The following CYP39A1 variants were observed in gnomAD, a reference collection of about 807,000 sequenced individuals.
CYP39A1 encodes cytochrome P450 family 39 subfamily A member 1.
CYP39A1 carries 49 observed loss-of-function variants against 58.1 expected under a neutral mutation model. That is an observed-to-expected ratio of 0.84 (90% CI 0.67 to 1.07). The LOEUF is 1.07. CYP39A1 is among the 50% of genes least tolerant of loss of function. The probability of loss-of-function intolerance (pLI) is 0.00; values close to 1 mark genes in which losing one functional copy is unlikely to be tolerated. For synonymous variants in CYP39A1, 209 were observed against 187.6 expected (o/e 1.11, Z -0.93); for missense variants, 531 against 539.4 (o/e 0.98, Z 0.16).
chr6:46,567,972 T>C (rs958441138), intron 10 of CYP39A1, among the ~76,000 whole-genome samples: 3 of 143,662 alleles, frequency 2.1e-5, no homozygotes, highest in South Asian at 4.4e-4. Flanking sequence ...CAGATCTGGA[T>C]TGAGCTTATA....
intron 10 of CYP39A1, chr6:46,583,181 T>C (rs1295305031): frequency 8.4e-5 from 83 of 985,276 alleles, no homozygotes; most frequent in East Asian, 1.1e-4. Flanking sequence ...CTTCCTCTTA[T>C]TACACTCTCT....
At chr6:46,574,347 C>A (rs1482000398) in intron 10 of CYP39A1, among the ~76,000 whole-genome samples, 1 of 152,132 alleles carries the variant, frequency 6.6e-6, no homozygotes, top group Non-Finnish European at 1.5e-5. Context: ...AGAGAGGGGG[C>A]AGGGACATCA....
At chr6:46,574,911 C>T (rs1771772649) in intron 10 of CYP39A1, among the ~76,000 whole-genome samples, 1 of 151,570 alleles carries the variant, frequency 6.6e-6, no homozygotes, top group African/African-American at 2.4e-5. Flanking sequence ...AGAGACTAGA[C>T]TATCAAGGAG....
Position 46,587,101 on chromosome 6 carries a change from C to T in CYP39A1, c.1226G>A (p.Ser409Asn), listed in dbSNP as rs1772514531. ...SFLDCFMAFG[S>N]GKFQCPARWF... is the part of the protein sequence containing the mutation. Reference sequence around the variant, plus strand: ...CCTTGCAGGACACTGGAACTTCCCGCTTCCAAATGCCATGAAGCAGTCCAA... The same window carrying T: ...CCTTGCAGGACACTGGAACTTCCCGTTTCCAAATGCCATGAAGCAGTCCAA... The change falls in exon 10 of 12, where the codon AGC (serine) becomes AAC (asparagine). Residue 409 changes from serine (S) to asparagine (N), a missense_variant. Ser to Asn is a conservative substitution (Grantham distance 46). Transcript: ENST00000275016. The T allele has an allele frequency of 6.2e-7, 1 of 1,611,926 alleles. No homozygotes were observed.
chr6:46,616,229 TCCC>T (rs1187216387), intron 7 of CYP39A1, among the ~76,000 whole-genome samples: 712 of 37,784 alleles, frequency 0.019, 137 homozygotes, highest in African/African-American at 0.069. Flanking sequence ...CCTCCCTCCC[TCCC>T]TCCCTCCCTC....
At chr6:46,585,943 C>G (rs572606530) in intron 10 of CYP39A1, among the ~76,000 whole-genome samples, 67 of 152,188 alleles carry the variant, frequency 4.4e-4, no homozygotes, top group Admixed American at 6.6e-4. Flanking sequence ...GGGGCCTCAT[C>G]CTGAAGAAGT....
chr6:46,564,285 G>T (rs1771160998), intron 10 of CYP39A1, among the ~76,000 whole-genome samples: 1 of 150,844 alleles, frequency 6.6e-6, no homozygotes, highest in African/African-American at 2.4e-5. Flanking sequence ...TCTGCCTCAG[G>T]GGTTCAAGCT....
chr6:46,594,712 A>T (rs1380132091), intron 8 of CYP39A1, among the ~76,000 whole-genome samples: 5 of 152,178 alleles, frequency 3.3e-5, no homozygotes, highest in African/African-American at 1.2e-4. Flanking sequence ...CTACCAGAAG[A>T]AAACATATGG....
In CYP39A1 at chr6:46,625,468, T is replaced by G; in HGVS notation, c.881A>C (p.Asp294Ala). 6.2e-7 allele frequency: 1 copy of G among 1,611,418 alleles called. No homozygotes were observed. The highest frequency in any genetic ancestry group is 2.2e-5 in the East Asian group (1 of 44,714). Residue 294 changes from aspartate (D) to alanine (A), a missense_variant, in exon 7 of 12, where the codon GAT becomes GCT. Asp to Ala is a moderately radical substitution (Grantham distance 126). Transcript: ENST00000275016. Reference sequence around the variant, plus strand: ...GCCTTCCATAATGGCCTTGTGGATATCAGGATGAGAAAGGACGTATGCAAG... The same window carrying G: ...GCCTTCCATAATGGCCTTGTGGATAGCAGGATGAGAAAGGACGTATGCAAG... The part of the protein sequence containing the change: ...WTLAYVLSHP[D>A]IHKAIMEGIS...
intron 10 of CYP39A1, among the ~76,000 whole-genome samples, chr6:46,568,603 A>T (rs1771417321): frequency 6.6e-6 from 1 of 152,074 alleles, no homozygotes; most frequent in South Asian, 2.1e-4. Context: ...ATTCTTTTGC[A>T]TGTAAATATT....
intron 10 of CYP39A1, among the ~76,000 whole-genome samples, chr6:46,566,812 T>C (rs1022518485): frequency 1.3e-5 from 2 of 151,444 alleles, no homozygotes; most frequent in South Asian, 2.1e-4. Flanking sequence ...TATATATATA[T>C]TTAAAGCACA....
intron 10 of CYP39A1, among the ~76,000 whole-genome samples, chr6:46,557,933 C>CAAAAAAAAAAAAAAAAAAAAAA (rs1186594398): frequency 8.0e-5 from 3 of 37,620 alleles, no homozygotes; most frequent in Non-Finnish European, 1.6e-4. Context: ...GACTCCATCT[C>CAAAAAAAAAAAAAAAAAAAAAA]AAAAAAAAAA....
intron 7 of CYP39A1, among the ~76,000 whole-genome samples, chr6:46,619,740 C>T (rs1347509328): frequency 6.6e-6 from 1 of 152,084 alleles, no homozygotes; most frequent in East Asian, 1.9e-4. Context: ...AACCTGTCTT[C>T]AATTTTTATA....
chr6:46,635,660 T>G (rs1482937247), intron 5 of CYP39A1, among the ~76,000 whole-genome samples: 4 of 152,122 alleles, frequency 2.6e-5, no homozygotes, highest in Non-Finnish European at 5.9e-5. Context: ...TCAAGTGTGA[T>G]CCTCCCACCT....
At chr6:46,644,368 A>G (rs900164590) in intron 1 of CYP39A1, among the ~76,000 whole-genome samples, 1 of 152,288 alleles carries the variant, frequency 6.6e-6, no homozygotes, top group Middle Eastern at 3.4e-3. Flanking sequence ...TTATTTAAAC[A>G]TTATGAAGGC....
rs984557289 is a variant in CYP39A1, at chr6:46,575,001, T to C, written c.1250+12076A>G. On this transcript the variant is annotated intron_variant, in intron 10 of 11. Transcript: ENST00000275016. ...AAGGACACAGACCATAGGCTGAAAG[T>C]AGAGAAAGTTGGGAACACTGCAGGG... Among the ~76,000 whole-genome samples, 5 of 151,782 alleles carry C rather than the reference T, an allele frequency of 3.3e-5. No individual in the cohort carries two copies. In the South Asian group the frequency reaches 8.3e-4, roughly 25 times the overall value.
intron 6 of CYP39A1, 89 bp downstream of exon 6, chr6:46,630,873 TG>T: frequency 9.5e-7 from 1 of 1,055,820 alleles, no homozygotes; most frequent in Non-Finnish European, 1.4e-6. Context: ...GAGTGATGAG[TG>T]GAAAAAAGAA....
intron 7 of CYP39A1, among the ~76,000 whole-genome samples, chr6:46,608,006 T>C (rs1205141096): frequency 1.3e-5 from 2 of 152,180 alleles, no homozygotes; most frequent in Non-Finnish European, 2.9e-5. Flanking sequence ...GAGAATGAAC[T>C]TGGAATAAAT....
intron 10 of CYP39A1, among the ~76,000 whole-genome samples, chr6:46,558,929 G>C (rs1770813864): frequency 6.6e-6 from 1 of 151,712 alleles, no homozygotes. Context: ...CTGGGAAGCA[G>C]GGGGTGCAGT....
Sources: gnomAD v4.1 joint callset for allele counts (sites outside exome capture counted in the v4.1 genomes callset) on GRCh38, gnomAD v4.1.1 for gene constraint, MANE v1.5 for transcripts, NCBI Gene and HGNC (gene_info 2026-07-23, HGNC 2026-07-21) for gene names.